Variants in KCNQ3 observed in about 807,000 individuals in gnomAD.
KCNQ3 encodes the protein potassium voltage-gated channel subfamily KQT member 3.
In KCNQ3, 30 loss-of-function variants were observed where a neutral mutation model predicts 92.5. The ratio of observed to expected loss-of-function variants is 0.32; its 90% CI spans 0.24 to 0.44. The LOEUF is 0.44. Among genes scored for constraint, KCNQ3 ranks in the 20% least tolerant of loss-of-function variants. The pLI is 1.00. For synonymous variants in KCNQ3, 450 were observed against 468.8 expected (o/e 0.96, Z 0.52); for missense variants, 913 against 1,140.3 (o/e 0.80, Z 2.87).
chr8:132,288,690 T>C (rs1031515765), intron 1 of KCNQ3, among the ~76,000 whole-genome samples: 5 of 150,912 alleles, frequency 3.3e-5, no homozygotes, highest in African/African-American at 7.4e-5. Context: ...TGTATGGGTG[T>C]TTTTTTTTCT....
chr8:132,364,675 G>GGACA (rs1186400146), intron 1 of KCNQ3, among the ~76,000 whole-genome samples: 2,785 of 120,458 alleles, frequency 0.023, 80 homozygotes, highest in African/African-American at 0.1. Context: ...ATGGATGGAC[G>GGACA]GACGGACGGA....
intron 1 of KCNQ3, among the ~76,000 whole-genome samples, chr8:132,303,624 A>G (rs1817307501): frequency 1.8e-5 from 1 of 55,748 alleles, no homozygotes; most frequent in South Asian, 7.0e-4. Flanking sequence ...ATATATATAT[A>G]TATATATGGT....
At chr8:132,200,812 T>C (rs1827435874) in intron 1 of KCNQ3, among the ~76,000 whole-genome samples, 1 of 152,194 alleles carries the variant, frequency 6.6e-6, no homozygotes. Flanking sequence ...CTTAGTGGTT[T>C]TTAACTAAGT....
chr8:132,376,877 T>A (rs540599818), intron 1 of KCNQ3, among the ~76,000 whole-genome samples: 7 of 152,096 alleles, frequency 4.6e-5, no homozygotes, highest in Middle Eastern at 3.4e-3. Context: ...CCTGTGCTAA[T>A]CCCCTCCACC....
intron 1 of KCNQ3, among the ~76,000 whole-genome samples, chr8:132,397,881 A>G (rs889932366): frequency 6.6e-6 from 1 of 152,208 alleles, no homozygotes; most frequent in Non-Finnish European, 1.5e-5. Flanking sequence ...CCATCTATCT[A>G]TCTGTCTTTC....
chr8:132,252,392 A>G (rs559820762), intron 1 of KCNQ3, among the ~76,000 whole-genome samples: 2 of 152,096 alleles, frequency 1.3e-5, no homozygotes, highest in East Asian at 3.9e-4. Flanking sequence ...AAGGTGGTGC[A>G]TCCGGAGTTG....
chr8:132,130,085 T>C (rs560955213), intron 14 of KCNQ3, 89 bp from the exon 15 acceptor site: 88,879 of 575,254 alleles, frequency 0.15, 872 homozygotes, highest in Non-Finnish European at 0.17. Context: ...TTTTTTTTTG[T>C]TTTTTTTTTT....
intron 9 of KCNQ3, among the ~76,000 whole-genome samples, chr8:132,151,254 A>C (rs1367918641): frequency 1.3e-5 from 2 of 152,256 alleles, no homozygotes; most frequent in South Asian, 4.1e-4. Context: ...TACATTAAAA[A>C]ATTGCTAACT....
At chr8:132,347,581 C>G (rs185760600) in intron 1 of KCNQ3, among the ~76,000 whole-genome samples, 1 of 152,150 alleles carries the variant, frequency 6.6e-6, no homozygotes, top group African/African-American at 2.4e-5. Context: ...GAGCAAAGGG[C>G]AGCAGCAACC....
intron 1 of KCNQ3, among the ~76,000 whole-genome samples, chr8:132,338,257 T>C (rs940987338): frequency 3.3e-5 from 5 of 152,178 alleles, no homozygotes; most frequent in Non-Finnish European, 7.4e-5. Context: ...CACATTAGTG[T>C]GTAAAGGCAG....
At chr8:132,209,703 A>C (rs975676715) in intron 1 of KCNQ3, among the ~76,000 whole-genome samples, 4 of 152,216 alleles carry the variant, frequency 2.6e-5, no homozygotes, top group Admixed American at 6.5e-5. Flanking sequence ...CCATTTTATT[A>C]CAAAGTAGGC....
intron 1 of KCNQ3, among the ~76,000 whole-genome samples, chr8:132,435,755 G>A (rs1173236497): frequency 6.6e-6 from 1 of 151,896 alleles, no homozygotes; most frequent in Non-Finnish European, 1.5e-5. Context: ...TCACTATGTT[G>A]CCCTGGCTGG....
intron 1 of KCNQ3, among the ~76,000 whole-genome samples, chr8:132,384,194 A>G (rs1340752731): frequency 6.6e-6 from 1 of 152,064 alleles, no homozygotes; most frequent in Non-Finnish European, 1.5e-5. Context: ...ACAACACTGC[A>G]TTTTGTGTTC....
At chr8:132,371,867 T>A (rs961846118) in intron 1 of KCNQ3, among the ~76,000 whole-genome samples, 1 of 152,176 alleles carries the variant, frequency 6.6e-6, no homozygotes, top group Non-Finnish European at 1.5e-5. Context: ...GCAAACACAT[T>A]ATGCCACTGC....
At chr8:132,192,345 C>G (rs1827185579) in intron 1 of KCNQ3, among the ~76,000 whole-genome samples, 1 of 152,144 alleles carries the variant, frequency 6.6e-6, no homozygotes, top group Admixed American at 6.5e-5. Flanking sequence ...GAAGAGGAAA[C>G]GCCCCTTAGT....
intron 1 of KCNQ3, among the ~76,000 whole-genome samples, chr8:132,256,687 G>A (rs976810970): frequency 1.1e-4 from 16 of 152,126 alleles, no homozygotes; most frequent in Admixed American, 9.2e-4. Context: ...CCAGAAGAGT[G>A]TAGGATGACA....
intron 1 of KCNQ3, among the ~76,000 whole-genome samples, chr8:132,280,548 G>A (rs1201307915): frequency 6.6e-6 from 1 of 152,126 alleles, no homozygotes. Flanking sequence ...CTGCCTCCAT[G>A]ACCCGAACAC....
At chr8:132,337,459 G>A (rs540487656) in intron 1 of KCNQ3, among the ~76,000 whole-genome samples, 20 of 152,146 alleles carry the variant, frequency 1.3e-4, no homozygotes, top group African/African-American at 4.1e-4. Context: ...GATTGTGATC[G>A]TATCACTGTA....
chr8:132,360,731 G>A (rs1223747991), intron 1 of KCNQ3, among the ~76,000 whole-genome samples: 2 of 152,140 alleles, frequency 1.3e-5, no homozygotes, highest in African/African-American at 4.8e-5. Context: ...TCTTAGTAAT[G>A]TTCACGGTCC....
Sources: gnomAD v4.1 joint callset for allele counts (sites outside exome capture counted in the v4.1 genomes callset) on GRCh38, gnomAD v4.1.1 for gene constraint, MANE v1.5 for transcripts, NCBI Gene and HGNC (gene_info 2026-07-23, HGNC 2026-07-21) for gene names.